The following DLG2 variants were observed in gnomAD, a reference collection of about 807,000 sequenced individuals.
The protein encoded by DLG2 is discs large MAGUK scaffold protein 2.
In DLG2, 45 loss-of-function variants were observed where a neutral mutation model predicts 132.5. That is an observed-to-expected ratio of 0.34 (90% confidence interval 0.27 to 0.44). DLG2 has a LOEUF of 0.44. Among genes scored for constraint, DLG2 ranks in the 20% least tolerant of loss-of-function variants. DLG2 has a pLI of 1.00. For missense variants in DLG2, 1,045 were observed against 1,196.9 expected, an observed-to-expected ratio of 0.87 and a Z score of 1.87; for synonymous variants, 424 against 419.6, an observed-to-expected ratio of 1.01 and a Z score of -0.13.
At chr11:85,208,059 G>C (rs956963750) in intron 4 of DLG2, among the ~76,000 whole-genome samples, 4 of 151,994 alleles carry the variant, frequency 2.6e-5, no homozygotes, top group Admixed American at 2.6e-4. Flanking sequence ...ACTTACTGTG[G>C]ACAGACATTA....
Position 83,823,487 on chromosome 11 carries a change from T to C in DLG2, c.1722+10127A>G, listed in dbSNP as rs979829289. On this transcript the variant is annotated intron_variant, in intron 17 of 27. Transcript: ENST00000376104. ...TCTTAGTCAATTAGGAAATGATCTG[T>C]CTGAATTGGAAATATATTCCATTGG... Among the ~76,000 whole-genome samples the C allele has an allele frequency of 2.3e-4, 35 of 152,216 alleles. 1 individual carries two copies. Among genetic ancestry groups the C allele is most frequent in the African/African-American group, 8.4e-4 (35 of 41,450 alleles).
chr11:84,008,933 TTTG>T (rs200337546), intron 11 of DLG2, among the ~76,000 whole-genome samples: 2,381 of 150,082 alleles, frequency 0.016, 58 homozygotes, highest in African/African-American at 0.054. Flanking sequence ...GTTTTTTTTT[TTTG>T]TTGTTGTTGT....
intron 3 of DLG2, among the ~76,000 whole-genome samples, chr11:85,518,270 G>T (rs577892472): frequency 6.6e-6 from 1 of 152,182 alleles, no homozygotes; most frequent in Non-Finnish European, 1.5e-5. Flanking sequence ...ACTTCCTGGA[G>T]ACTTCTTGAA....
At chr11:84,316,914 G>A (rs769022809) in intron 7 of DLG2, 7 of 1,612,540 alleles carry the variant, frequency 4.3e-6, no homozygotes, top group African/African-American at 4.0e-5. Flanking sequence ...GGGCTTTTCC[G>A]CACACTGTCC....
At chr11:84,312,167 C>T (rs1456086985) in intron 7 of DLG2, among the ~76,000 whole-genome samples, 1 of 152,140 alleles carries the variant, frequency 6.6e-6, no homozygotes, top group African/African-American at 2.4e-5. Flanking sequence ...TTTATATCCT[C>T]ATTTTATAAA....
chr11:84,002,439 G>T (rs538113998), intron 11 of DLG2, among the ~76,000 whole-genome samples: 1 of 152,136 alleles, frequency 6.6e-6, no homozygotes, highest in Non-Finnish European at 1.5e-5. Flanking sequence ...CTCTCCCACA[G>T]CAAACTTCTG....
chr11:84,891,242 T>C (rs1240084482), intron 6 of DLG2, among the ~76,000 whole-genome samples: 1 of 152,168 alleles, frequency 6.6e-6, no homozygotes, highest in Non-Finnish European at 1.5e-5. Context: ...CAGACACATG[T>C]ACAGCATATG....
chr11:83,833,930 G>A (rs1020824613), intron 16 of DLG2, among the ~76,000 whole-genome samples, 160 bp from the exon 17 acceptor site: 11 of 152,178 alleles, frequency 7.2e-5, no homozygotes, highest in African/African-American at 2.7e-4. Context: ...GCTAATATCA[G>A]GACAGATGTT....
At chr11:84,686,497 A>C (rs1565659960) in intron 6 of DLG2, among the ~76,000 whole-genome samples, 1 of 152,046 alleles carries the variant, frequency 6.6e-6, no homozygotes, top group Non-Finnish European at 1.5e-5. Flanking sequence ...ATTAAACACT[A>C]CTCAATGACA....
chr11:85,262,792 A>C (rs2077011242), intron 4 of DLG2, among the ~76,000 whole-genome samples: 1 of 152,156 alleles, frequency 6.6e-6, no homozygotes, highest in Non-Finnish European at 1.5e-5. Context: ...TACAGTAATA[A>C]ACTCCCTTCT....
intron 6 of DLG2, among the ~76,000 whole-genome samples, chr11:84,627,221 G>T (rs2099624373): frequency 6.6e-6 from 1 of 152,022 alleles, no homozygotes; most frequent in South Asian, 2.1e-4. Flanking sequence ...CCTAACATTG[G>T]CAATGTCAGA....
intron 7 of DLG2, among the ~76,000 whole-genome samples, chr11:84,267,710 T>A (rs116430287): frequency 1.3e-5 from 2 of 152,220 alleles, no homozygotes; most frequent in African/African-American, 4.8e-5. Flanking sequence ...TTTCTCTGTG[T>A]CTTTCTTTGA....
intron 4 of DLG2, among the ~76,000 whole-genome samples, chr11:85,248,913 G>C (rs771689605): frequency 4.9e-4 from 75 of 152,056 alleles, no homozygotes; most frequent in African/African-American, 1.7e-3. Context: ...CAAATTCTAG[G>C]ACTAATTTTT....
rs566627004 is a variant in DLG2 at position 84,728,477 on chromosome 11, C to G, written c.358-193746G>C. Among the ~76,000 whole-genome samples the G allele has an allele frequency of 2.6e-4, 40 of 152,220 alleles. No individual in the cohort carries two copies. The East Asian group carries it at 7.7e-3, about 29-fold the overall frequency. ...GGTGGATAAGCTTCCTGATGTGCTG[C>G]TGGATTTGGTTTGCCAGTATTTTAT... On this transcript the variant is annotated intron_variant, in intron 6 of 27. Transcript: ENST00000376104.
chr11:85,033,409 T>A (rs199913840), intron 6 of DLG2, among the ~76,000 whole-genome samples: 1 of 142,092 alleles, frequency 7.0e-6, no homozygotes, highest in African/African-American at 2.7e-5. Flanking sequence ...AAAAAAAAAA[T>A]TCATACAAGC....
At chr11:84,936,210 A>C (rs2048728243) in intron 6 of DLG2, among the ~76,000 whole-genome samples, 1 of 152,184 alleles carries the variant, frequency 6.6e-6, no homozygotes, top group Admixed American at 6.5e-5. Context: ...TCTCTGAATA[A>C]GTCCTTTAAC....
chr11:84,559,402 T>C (rs1480912621), intron 6 of DLG2, among the ~76,000 whole-genome samples: 6 of 152,260 alleles, frequency 3.9e-5, no homozygotes, highest in South Asian at 4.1e-4. Flanking sequence ...TAAATTAGTA[T>C]AATATACTGA....
intron 18 of DLG2, among the ~76,000 whole-genome samples, chr11:83,698,807 A>G (rs2082351973): frequency 6.6e-6 from 1 of 151,594 alleles, no homozygotes; most frequent in Non-Finnish European, 1.5e-5. Context: ...TCCACATCCT[A>G]TGTTACCTTC....
intron 17 of DLG2, among the ~76,000 whole-genome samples, chr11:83,807,967 A>C (rs1214509273): frequency 6.6e-6 from 1 of 151,940 alleles, no homozygotes; most frequent in African/African-American, 2.4e-5. Context: ...TGCAGGTAAC[A>C]CTCCTATCTT....
Sources: allele counts gnomAD v4.1 joint callset (sites outside exome capture counted in the v4.1 genomes callset), GRCh38; gene constraint gnomAD v4.1.1; transcripts MANE v1.5; gene names NCBI Gene and HGNC (gene_info 2026-07-23, HGNC 2026-07-21).